The following TSPAN11 variants were observed in gnomAD, a reference collection of about 807,000 sequenced individuals.
TSPAN11 encodes tetraspanin-11.
A neutral mutation model predicts 32.9 loss-of-function variants in TSPAN11; 29 were observed. That is an observed-to-expected ratio of 0.88 (90% CI 0.66 to 1.20). TSPAN11 has a LOEUF of 1.20. Ranked by LOEUF, TSPAN11 falls within the 50% of genes most tolerant of loss-of-function variation. The pLI, the probability that TSPAN11 is intolerant of heterozygous loss-of-function variation, is 0.00. For synonymous variants in TSPAN11, 140 were observed against 141.3 expected (o/e 0.99, Z 0.07); for missense variants, 283 against 329.1 (o/e 0.86, Z 1.08).
chr12:30,982,819 CCA>C (rs1460479980), intron 6 of TSPAN11, 129 bp downstream of exon 6: 5 of 1,356,700 alleles, frequency 3.7e-6, no homozygotes, highest in East Asian at 2.5e-5. Flanking sequence ...GGCCACGAGC[CCA>C]CAGTGTCTGG....
At chr12:31,015,343 C>T in the TSPAN11 span, 6 of 152,348 alleles carry the variant, frequency 3.9e-5, no homozygotes, top group African/African-American at 7.2e-5. The surrounding 1 kb of genome is among the most constrained non-coding windows in gnomAD (Gnocchi z 4.9). Context: ...CTCTCCCACA[C>T]CCCGCTCCAG....
the TSPAN11 span, among the ~76,000 whole-genome samples, chr12:31,001,674 G>C: frequency 1.3e-5 from 2 of 152,142 alleles, no homozygotes; most frequent in Non-Finnish European, 2.9e-5. Flanking sequence ...TCTCAATTGT[G>C]CTTTGCTGAG....
At chr12:30,939,993 A>T (rs1162487229) in intron 1 of TSPAN11, among the ~76,000 whole-genome samples, 1 of 152,258 alleles carries the variant, frequency 6.6e-6, no homozygotes, top group Non-Finnish European at 1.5e-5. Context: ...AAGAGAAGAC[A>T]TTGTGGAGAG....
intron 1 of TSPAN11, among the ~76,000 whole-genome samples, chr12:30,945,732 G>A (rs1248843426): frequency 6.6e-6 from 1 of 152,072 alleles, no homozygotes; most frequent in African/African-American, 2.4e-5. Flanking sequence ...CACAGCCCAT[G>A]ACATTACACA....
chr12:30,941,312 A>G (rs1938159113), intron 1 of TSPAN11, among the ~76,000 whole-genome samples: 1 of 152,212 alleles, frequency 6.6e-6, no homozygotes, highest in African/African-American at 2.4e-5. Flanking sequence ...CCCCGCATAT[A>G]CTGTGGGACA....
At chr12:30,947,481 C>T (rs1938291452) in intron 1 of TSPAN11, among the ~76,000 whole-genome samples, 1 of 152,134 alleles carries the variant, frequency 6.6e-6, no homozygotes, top group African/African-American at 2.4e-5. Flanking sequence ...TTTAATTGGA[C>T]TTACAGTTCC....
intron 2 of TSPAN11, among the ~76,000 whole-genome samples, chr12:30,958,028 G>C (rs918056996): frequency 2.6e-5 from 4 of 152,152 alleles, no homozygotes; most frequent in Admixed American, 2.6e-4. Context: ...TGCAAGACCT[G>C]GAGTTGGTAC....
At chr12:30,976,923 C>A (rs1209637335) in intron 3 of TSPAN11, among the ~76,000 whole-genome samples, 1 of 152,186 alleles carries the variant, frequency 6.6e-6, no homozygotes, top group African/African-American at 2.4e-5. Flanking sequence ...AGCGAAGAGC[C>A]TGGGGTAGGA....
the TSPAN11 span, among the ~76,000 whole-genome samples, chr12:31,001,693 G>A: frequency 6.6e-6 from 1 of 152,156 alleles, no homozygotes; most frequent in South Asian, 2.1e-4. Context: ...AGCACCAGTG[G>A]GGAGGCAGTT....
At chr12:30,935,138 C>T (rs113697767) in intron 1 of TSPAN11, among the ~76,000 whole-genome samples, 2,711 of 152,222 alleles carry the variant, frequency 0.018, 86 homozygotes, top group African/African-American at 0.062. Context: ...GTCTTCCCTG[C>T]GGAGAGGTGA....
the TSPAN11 span, among the ~76,000 whole-genome samples, chr12:31,010,427 T>C: frequency 6.6e-6 from 1 of 152,164 alleles, no homozygotes; most frequent in Non-Finnish European, 1.5e-5. Context: ...ACTTCCCATA[T>C]GTGGAGTGAA....
chr12:30,991,902 G>A lies in TSPAN11; in HGVS notation c.749G>A (p.Arg250Gln), dbSNP rs149004025. 7.0e-4 allele frequency: 1,134 copies of A among 1,614,108 alleles called. 5 individuals are homozygous for A. The African/African-American group carries it at 0.011, about 16-fold the overall frequency. Reference protein sequence around the residue: ...LTCCLHQRLQRHFY With the variant: ...LTCCLHQRLQQHFY ...TGCTGCTTGCACCAGAGGCTCCAGC[G>A]GCATTTTTACTAATGGCCAACCACC... The change falls in exon 8 of 8, where the codon CGG (arginine) becomes CAG (glutamine). Residue 250 changes from arginine (R) to glutamine (Q), a missense_variant. Transcript: ENST00000546076.
At chr12:30,956,026 G>A (rs1938471459) in intron 2 of TSPAN11, among the ~76,000 whole-genome samples, 1 of 152,210 alleles carries the variant, frequency 6.6e-6, no homozygotes. Context: ...ACTTTGCTTT[G>A]ATCAGGGCAG....
At chr12:30,968,130 T>C (rs1411501684) in intron 3 of TSPAN11, among the ~76,000 whole-genome samples, 1 of 152,178 alleles carries the variant, frequency 6.6e-6, no homozygotes, top group East Asian at 1.9e-4. Flanking sequence ...CCATTTGAAA[T>C]CTTGAATCAG....
chr12:30,964,111 G>A lies in TSPAN11; in HGVS notation c.276+94G>A. 2.3e-5 allele frequency: 23 copies of A among 984,312 alleles called. No individual in the cohort carries two copies. In the South Asian group the frequency reaches 4.2e-4, roughly 18 times the overall value. The allele number at this position is 984,312 out of a possible 1,614,324, so 61.0% of individuals were successfully genotyped here. A position where few individuals can be genotyped will look rare whatever the true frequency, so the allele number is the denominator to read the frequency against. The stretch of plus-strand genomic sequence containing the variant: ...GAGAGGGGCCCCAGCCCTGGAGTGG[G>A]AGGGGCTGAGGCTGTGGGAGTGCCC... On this transcript the variant is annotated intron_variant, in intron 3 of 7. Transcript: ENST00000546076.
At chr12:30,939,599 G>A (rs1175844573) in intron 1 of TSPAN11, among the ~76,000 whole-genome samples, 1 of 152,180 alleles carries the variant, frequency 6.6e-6, no homozygotes, top group Non-Finnish European at 1.5e-5. Flanking sequence ...CAGGAGAAGG[G>A]AGCCACTTGT....
chr12:30,961,034 A>T (rs927447216), intron 2 of TSPAN11, among the ~76,000 whole-genome samples: 2 of 151,292 alleles, frequency 1.3e-5, no homozygotes, highest in African/African-American at 4.9e-5. Context: ...GCGAGGAAAA[A>T]AAAAAAAAAG....
At chr12:30,990,258 C>T (rs889758821) in intron 7 of TSPAN11, among the ~76,000 whole-genome samples, 4 of 152,186 alleles carry the variant, frequency 2.6e-5, no homozygotes, top group African/African-American at 7.2e-5. Context: ...ACCCAGCTCA[C>T]GCAGGAGCCT....
At chr12:31,014,757 T>C in the TSPAN11 span, among the ~76,000 whole-genome samples, 2 of 152,250 alleles carry the variant, frequency 1.3e-5, no homozygotes, top group African/African-American at 4.8e-5. Flanking sequence ...GTTACTTTAG[T>C]ATACATCATG....
Sources: gnomAD v4.1 joint callset for allele counts (sites outside exome capture counted in the v4.1 genomes callset) on GRCh38, gnomAD v4.1.1 for gene constraint, Gnocchi (gnomAD v3.1) non-coding constraint, MANE v1.5 for transcripts, NCBI Gene and HGNC (gene_info 2026-07-23, HGNC 2026-07-21) for gene names.